The following TRIM5 variants were observed in gnomAD, a reference collection of about 807,000 sequenced individuals.
TRIM5 encodes the protein tripartite motif containing 5, also known as tripartite motif-containing protein 5.
TRIM5 carries 31 observed loss-of-function variants against 35.6 expected under a neutral mutation model. That is an observed-to-expected ratio of 0.87 (90% CI 0.65 to 1.18). TRIM5 has a LOEUF of 1.18. Ranked by LOEUF, TRIM5 falls within the 50% of genes most tolerant of loss-of-function variation. The pLI is 0.00. For synonymous variants in TRIM5, 243 were observed against 215.6 expected (o/e 1.13, Z -1.11); for missense variants, 609 against 591.6 (o/e 1.03, Z -0.31).
the TRIM5 span, chr11:5,610,735 T>C: frequency 5.6e-6 from 9 of 1,598,070 alleles, no homozygotes; most frequent in Non-Finnish European, 6.8e-6. Context: ...ACGAGACCCA[T>C]GTCCCCGTTC....
rs765541230 is a variant in TRIM5 at position 5,664,968 on chromosome 11, G to A, written c.1323C>T (p.Phe441=). ...AGACAGTGCAAGCCTCATAGTCTAG[G>A]AAAACTCCAACACGATCAGGACAAA... ...VIICPDRVGV[F]LDYEACTVSF... The change falls in exon 8 of 8, where the codon TTC becomes TTT. Residue 441 remains phenylalanine (F), a synonymous_variant. Transcript: ENST00000380034. 1.2e-6 allele frequency: 2 copies of A among 1,613,934 alleles called. No individual in the cohort carries two copies. Among genetic ancestry groups the A allele is most frequent in the East Asian group, 2.2e-5 (1 of 44,882 alleles).
the TRIM5 span, among the ~76,000 whole-genome samples, chr11:5,620,833 G>A: frequency 6.6e-6 from 1 of 152,172 alleles, no homozygotes; most frequent in Non-Finnish European, 1.5e-5. Context: ...TGCTCCTACA[G>A]TGAGATAGCA....
the TRIM5 span, among the ~76,000 whole-genome samples, chr11:5,636,971 C>T: frequency 2.0e-5 from 3 of 152,044 alleles, no homozygotes; most frequent in Admixed American, 2.0e-4. Flanking sequence ...ACAGTGAAAC[C>T]CCGTCTCTAC....
chr11:5,602,210 G>A, the TRIM5 span, among the ~76,000 whole-genome samples: 1 of 152,158 alleles, frequency 6.6e-6, no homozygotes, highest in Admixed American at 6.5e-5. Context: ...GGAGGCCAAG[G>A]CGGGCGGATC....
At chr11:5,653,612 C>T in the TRIM5 span, among the ~76,000 whole-genome samples, 1 of 151,728 alleles carries the variant, frequency 6.6e-6, no homozygotes, top group African/African-American at 2.4e-5. Flanking sequence ...CTGCCTCAGC[C>T]TCCTGAGTGG....
At chr11:5,631,971 A>G in the TRIM5 span, among the ~76,000 whole-genome samples, 1 of 152,228 alleles carries the variant, frequency 6.6e-6, no homozygotes, top group Non-Finnish European at 1.5e-5. Flanking sequence ...AGTTTGTCTT[A>G]GCAGCCCTTC....
the TRIM5 span, among the ~76,000 whole-genome samples, chr11:5,650,624 G>A: frequency 1.3e-5 from 2 of 152,206 alleles, no homozygotes; most frequent in African/African-American, 2.4e-5. Context: ...TGTGTGACTT[G>A]TATTTTGTTT....
At chr11:5,596,661 C>T in the TRIM5 span, 15 of 541,484 alleles carry the variant, frequency 2.8e-5, no homozygotes, top group East Asian at 2.9e-4. Context: ...GATGAGCCTT[C>T]CGCAAACTCC....
chr11:5,649,326 C>G, the TRIM5 span, among the ~76,000 whole-genome samples: 1 of 152,230 alleles, frequency 6.6e-6, no homozygotes, highest in Admixed American at 6.5e-5. Flanking sequence ...ATAGCGATTT[C>G]TACCTGATGG....
chr11:5,655,067 C>A, the TRIM5 span, among the ~76,000 whole-genome samples: 3 of 151,886 alleles, frequency 2.0e-5, no homozygotes, highest in Non-Finnish European at 2.9e-5. Flanking sequence ...GTGGCGGGCA[C>A]CTGTAATCCA....
At chr11:5,667,401 G>A (rs1851225060) in intron 5 of TRIM5, among the ~76,000 whole-genome samples, 1 of 151,964 alleles carries the variant, frequency 6.6e-6, no homozygotes, top group East Asian at 1.9e-4. Flanking sequence ...TAGAGACAGG[G>A]TTTTGCCACG....
chr11:5,647,402 TA>T, the TRIM5 span, among the ~76,000 whole-genome samples: 1 of 152,158 alleles, frequency 6.6e-6, no homozygotes, highest in Non-Finnish European at 1.5e-5. Flanking sequence ...TAAATCTAAA[TA>T]GAATCACAAG....
chr11:5,619,762 G>A, the TRIM5 span: 1 of 127,230 alleles, frequency 7.9e-6, no homozygotes, highest in Non-Finnish European at 1.6e-5. Flanking sequence ...TAGAGTAGTG[G>A]TGTGATCTCG....
chr11:5,659,753 CTT>C (rs755017850), downstream of TRIM5, among the ~76,000 whole-genome samples: 2 of 141,190 alleles, frequency 1.4e-5, no homozygotes, highest in Admixed American at 7.1e-5. Context: ...TCTCTGAAGC[CTT>C]TTTTTTTTTT....
the TRIM5 span, chr11:5,655,748 G>A: frequency 1.4e-5 from 13 of 926,072 alleles, no homozygotes; most frequent in East Asian, 1.2e-4. Context: ...AGTATGTGCA[G>A]GACATATAAA....
At chr11:5,665,597 TA>T (rs764000512) in intron 7 of TRIM5, 58 bp downstream of exon 7, 19 of 1,583,842 alleles carry the variant, frequency 1.2e-5, no homozygotes, top group Non-Finnish European at 1.5e-5. Context: ...TTCTAAAAGA[TA>T]AAGATAATAA....
chr11:5,602,174 C>T, the TRIM5 span, among the ~76,000 whole-genome samples: 14 of 152,190 alleles, frequency 9.2e-5, no homozygotes, highest in East Asian at 1.9e-4. Flanking sequence ...GGTGCAGTGG[C>T]TCATGCCTGT....
the TRIM5 span, among the ~76,000 whole-genome samples, chr11:5,592,016 G>T: frequency 6.6e-6 from 1 of 152,170 alleles, no homozygotes; most frequent in African/African-American, 2.4e-5. Flanking sequence ...TACTCACATG[G>T]ACTCTGGAGC....
At chr11:5,628,671 T>C in the TRIM5 span, among the ~76,000 whole-genome samples, 1 of 152,196 alleles carries the variant, frequency 6.6e-6, no homozygotes, top group African/African-American at 2.4e-5. Context: ...TCTTTCACTA[T>C]CAAACCTGTT....
Sources: gnomAD v4.1 joint callset for allele counts (sites outside exome capture counted in the v4.1 genomes callset) on GRCh38, gnomAD v4.1.1 for gene constraint, MANE v1.5 for transcripts, NCBI Gene and HGNC (gene_info 2026-07-23, HGNC 2026-07-21) for gene names.